ATP8B4: variants seen among roughly 807,000 people sequenced by gnomAD.
ATP8B4 encodes probable phospholipid-transporting ATPase IM.
ATP8B4 carries 133 observed loss-of-function variants against 145.6 expected under a neutral mutation model. That is an observed-to-expected ratio of 0.91 (90% confidence interval 0.79 to 1.05). The LOEUF is 1.05. Ranked by LOEUF, ATP8B4 falls within the 50% of genes least tolerant of loss-of-function variation. ATP8B4 has a pLI of 0.00. For synonymous variants in ATP8B4, 507 were observed against 492.9 expected (o/e 1.03, Z -0.38); for missense variants, 1,458 against 1,425.2 (o/e 1.02, Z -0.37).
At chr15:49,927,101 T>C (rs949933131) in intron 16 of ATP8B4, among the ~76,000 whole-genome samples, 5 of 152,152 alleles carry the variant, frequency 3.3e-5, no homozygotes, top group African/African-American at 4.8e-5. Context: ...ATTAGTAGAA[T>C]TGGTCCTTCC....
rs117453897 is a variant in ATP8B4 at position 50,064,580 on chromosome 15, T to C, written c.87+9547A>G. 8.9e-4 allele frequency among the ~76,000 whole-genome samples: 136 copies of C among 152,320 alleles called. No individual in the cohort carries two copies. The East Asian group carries it at 0.026, about 29-fold the overall frequency. Reference sequence around the variant, plus strand: ...TATAGCCCAAGTCTTGGATCATTTTTAAAGAATTTTCAAGTTTAATGCCTA... The same window carrying C: ...TATAGCCCAAGTCTTGGATCATTTTCAAAGAATTTTCAAGTTTAATGCCTA... On this transcript the variant is annotated intron_variant, in intron 3 of 27. Transcript: ENST00000284509.
chr15:49,972,156 A>G (rs2153522144), intron 13 of ATP8B4, among the ~76,000 whole-genome samples: 1 of 152,272 alleles, frequency 6.6e-6, no homozygotes, highest in East Asian at 1.9e-4. Context: ...TGGCATTAGG[A>G]GAAATACCTA....
At chr15:50,023,814 A>C (rs570952762) in intron 6 of ATP8B4, among the ~76,000 whole-genome samples, 2 of 151,348 alleles carry the variant, frequency 1.3e-5, no homozygotes, top group East Asian at 3.9e-4. Context: ...AAGAAAAAAA[A>C]AAAGCCTTTT....
intron 1 of ATP8B4, among the ~76,000 whole-genome samples, chr15:50,175,167 A>T (rs2044743594): frequency 6.6e-6 from 1 of 152,214 alleles, no homozygotes; most frequent in Admixed American, 6.5e-5. Context: ...AAGGACTTAA[A>T]CCTAAGTCCT....
chr15:49,899,986 C>A (rs141668954), intron 21 of ATP8B4, among the ~76,000 whole-genome samples: 21 of 152,304 alleles, frequency 1.4e-4, no homozygotes, highest in African/African-American at 5.1e-4. Flanking sequence ...ACATTGGATT[C>A]TTTGAGCCTG....
At chr15:49,870,871 G>C (rs2033571723) in intron 25 of ATP8B4, among the ~76,000 whole-genome samples, 1 of 152,186 alleles carries the variant, frequency 6.6e-6, no homozygotes, top group African/African-American at 2.4e-5. Flanking sequence ...TCCTCAAGTT[G>C]AAACTCTGCC....
intron 6 of ATP8B4, among the ~76,000 whole-genome samples, chr15:50,015,189 G>T (rs1854840641): frequency 6.6e-6 from 1 of 152,116 alleles, no homozygotes; most frequent in African/African-American, 2.4e-5. Flanking sequence ...ATTTTTATAG[G>T]CATAGAAAAT....
intron 1 of ATP8B4, among the ~76,000 whole-genome samples, chr15:50,115,377 T>C (rs755319005): frequency 6.6e-6 from 1 of 151,466 alleles, no homozygotes; most frequent in Non-Finnish European, 1.5e-5. Context: ...GGATGATGAG[T>C]GCAGGGCTAT....
chr15:50,177,583 C>T (rs1354597196), intron 1 of ATP8B4, among the ~76,000 whole-genome samples: 1 of 152,152 alleles, frequency 6.6e-6, no homozygotes, highest in Non-Finnish European at 1.5e-5. Context: ...TTGATTGGAG[C>T]TAGGGTAGGA....
chr15:49,916,897 C>A (rs769397718), intron 20 of ATP8B4, 37 bp downstream of exon 20: 3 of 1,575,090 alleles, frequency 1.9e-6, no homozygotes, highest in East Asian at 2.2e-5. Flanking sequence ...CCCTCCCTCT[C>A]GTCCTTCCAT....
chr15:49,923,281 G>C, intron 17 of ATP8B4, 98 bp downstream of exon 17: 1 of 815,712 alleles, frequency 1.2e-6, no homozygotes, highest in South Asian at 1.6e-5. Context: ...TTCTATTTCA[G>C]TAGTCAAATC....
At chr15:49,921,986 C>T (rs954814990) in intron 17 of ATP8B4, among the ~76,000 whole-genome samples, 10 of 152,188 alleles carry the variant, frequency 6.6e-5, no homozygotes, top group Non-Finnish European at 2.9e-5. Context: ...GCCTTCCTCT[C>T]TGTTCTGCAC....
rs1215379923 is a variant in ATP8B4, at chr15:49,992,162, T to C, written c.589+4515A>G. Among the ~76,000 whole-genome samples, 18 of 152,208 alleles carry C rather than the reference T, an allele frequency of 1.2e-4. 1 individual carries two copies. Among genetic ancestry groups the C allele is most frequent in the Admixed American group, 6.6e-5 (1 of 15,266 alleles). On this transcript the variant is annotated intron_variant, in intron 9 of 27. Coordinates refer to ENST00000284509, the MANE Select transcript of ATP8B4 (RefSeq NM_024837.4). ...CAATAATCTCTTCCTTCAAGAGCTG[T>C]AAGGGTTTAACAAGATAATGTGTGC...
Position 49,974,495 on chromosome 15 carries a change from C to G in ATP8B4, c.1035-1705G>C, listed in dbSNP as rs187769960. Among the ~76,000 whole-genome samples, 136 of 151,784 alleles carry G rather than the reference C, an allele frequency of 9.0e-4. 1 individual carries two copies. The highest frequency in any genetic ancestry group is 3.2e-3 in the African/African-American group (134 of 41,346). On this transcript the variant is annotated intron_variant, in intron 12 of 27. Transcript: ENST00000284509. ...CCTCCCACCTCTGCCTCTAGAGTAG[C>G]TGGGACTGCATGCACCACCACAGCT...
chr15:49,957,514 G>A (rs1324061129), intron 14 of ATP8B4, among the ~76,000 whole-genome samples: 2 of 151,834 alleles, frequency 1.3e-5, no homozygotes, highest in African/African-American at 2.4e-5. Flanking sequence ...GGAACTTAAA[G>A]CAAAAGCAAA....
chr15:49,958,572 T>G (rs2043791131), intron 14 of ATP8B4, among the ~76,000 whole-genome samples: 2 of 151,314 alleles, frequency 1.3e-5, no homozygotes, highest in Admixed American at 1.3e-4. Flanking sequence ...GAACCACAGA[T>G]AAAGAGGAAA....
chr15:49,924,363 C>T (rs2040523540), intron 16 of ATP8B4, among the ~76,000 whole-genome samples: 1 of 152,094 alleles, frequency 6.6e-6, no homozygotes, highest in African/African-American at 2.4e-5. Context: ...CCCAGAACTG[C>T]CTACAACTTA....
chr15:50,115,156 G>GAA (rs1472335685), intron 1 of ATP8B4, among the ~76,000 whole-genome samples: 2 of 152,088 alleles, frequency 1.3e-5, no homozygotes, highest in African/African-American at 4.8e-5. Flanking sequence ...ACCAGTCTGG[G>GAA]AAACATGGCG....
chr15:49,867,136 G>C (rs1005521516), intron 25 of ATP8B4, among the ~76,000 whole-genome samples: 3 of 152,194 alleles, frequency 2.0e-5, no homozygotes, highest in South Asian at 2.1e-4. Flanking sequence ...TGCTACTGGA[G>C]AATCAAGGAC....
Sources: gnomAD v4.1 joint callset for allele counts (sites outside exome capture counted in the v4.1 genomes callset) on GRCh38, gnomAD v4.1.1 for gene constraint, MANE v1.5 for transcripts, NCBI Gene and HGNC (gene_info 2026-07-23, HGNC 2026-07-21) for gene names.